Variants in PLEKHA7 observed in about 807,000 individuals in gnomAD.
The protein encoded by PLEKHA7 is pleckstrin homology domain-containing family A member 7.
PLEKHA7 carries 104 observed loss-of-function variants against 170.0 expected under a neutral mutation model. That is an observed-to-expected ratio of 0.61 (90% CI 0.52 to 0.72). The LOEUF (loss-of-function observed/expected upper bound fraction) is 0.72, where lower values mean the gene tolerates loss of function less well. Ranked by LOEUF, PLEKHA7 falls within the 30% of genes least tolerant of loss-of-function variation. PLEKHA7 has a pLI of 0.00. For missense variants in PLEKHA7, 1,615 were observed against 1,671.7 expected (o/e 0.97, Z 0.59); for synonymous variants, 648 against 660.8 (o/e 0.98, Z 0.30).
chr11:16,956,403 A>ACAC (rs1861705868), intron 3 of PLEKHA7, among the ~76,000 whole-genome samples: 1 of 152,168 alleles, frequency 6.6e-6, no homozygotes, highest in South Asian at 2.1e-4. Flanking sequence ...GGACAAGTTA[A>ACAC]CACCCACTTA....
At chr11:16,887,810 C>T (rs568970347) in intron 3 of PLEKHA7, among the ~76,000 whole-genome samples, 2 of 152,188 alleles carry the variant, frequency 1.3e-5, no homozygotes, top group Non-Finnish European at 2.9e-5. Flanking sequence ...TCTGCCCAGC[C>T]GCCACCCCGT....
chr11:16,934,694 C>G (rs1860166955), intron 3 of PLEKHA7, among the ~76,000 whole-genome samples: 1 of 152,114 alleles, frequency 6.6e-6, no homozygotes, highest in Admixed American at 6.6e-5. Flanking sequence ...CCATAAGTTA[C>G]CTCAAATCCA....
chr11:16,799,398 G>A (rs1848441053), intron 17 of PLEKHA7, among the ~76,000 whole-genome samples: 1 of 152,208 alleles, frequency 6.6e-6, no homozygotes, highest in Admixed American at 6.5e-5. Context: ...CACATAGGGA[G>A]GGTGATGGGA....
In PLEKHA7 at chr11:16,927,257, T is replaced by C. The variant is rs112723937; in HGVS notation, c.222-56075A>G. 7.9e-3 allele frequency among the ~76,000 whole-genome samples: 1,209 copies of C among 152,364 alleles called. 15 individuals carry two copies. The highest frequency in any genetic ancestry group is 0.026 in the African/African-American group (1,097 of 41,582). On this transcript the variant is annotated intron_variant, in intron 3 of 26. Coordinates refer to ENST00000531066, the MANE Select transcript of PLEKHA7 (RefSeq NM_001329630.2). Reference sequence around the variant, plus strand: ...TATTTTTTTAAACCATACTTCCTTTTGGATAAATATACAAATGCCATTCCC... The same window carrying C: ...TATTTTTTTAAACCATACTTCCTTTCGGATAAATATACAAATGCCATTCCC...
intron 3 of PLEKHA7, among the ~76,000 whole-genome samples, chr11:16,988,089 C>T (rs1432467665): frequency 1.3e-5 from 2 of 152,256 alleles, no homozygotes; most frequent in Non-Finnish European, 2.9e-5. Context: ...ACCTCACCTA[C>T]AGGGGAAGGA....
Position 16,938,985 on chromosome 11 carries a change from C to T in PLEKHA7, c.222-67803G>A, listed in dbSNP as rs373462598. On this transcript the variant is annotated intron_variant, in intron 3 of 26. Coordinates refer to ENST00000531066, the MANE Select transcript of PLEKHA7 (RefSeq NM_001329630.2). ...ACACAATTTTTTACAATAATAAACA[C>T]AATTTTGAATTTTAGAAGATTCAAA... is the stretch of plus-strand genomic sequence containing the variant. 1.5e-4 allele frequency among the ~76,000 whole-genome samples: 23 copies of T among 152,234 alleles called. No individual in the cohort carries two copies. In the East Asian group the frequency reaches 3.1e-3, roughly 20 times the overall value.
chr11:17,010,798 C>G, intron 3 of PLEKHA7, among the ~76,000 whole-genome samples: 1 of 151,964 alleles, frequency 6.6e-6, no homozygotes, highest in Non-Finnish European at 1.5e-5. Context: ...ACACAAAAAT[C>G]AAACATTCAG....
rs1847714926 is a variant in PLEKHA7, at chr11:16,789,871, T to C, written c.3060A>G (p.Ser1020=). The part of the protein sequence containing the change: ...RYQTLPGRGL[S]GSTSRLQQSS... ...ACTGCTGGAGCCTTGACGTGGACCCTGAGAGCCCTTAGTGAGGAAAGAGAA... is the reference window on the plus strand; with the variant it reads ...ACTGCTGGAGCCTTGACGTGGACCCCGAGAGCCCTTAGTGAGGAAAGAGAA... Residue 1020 remains serine, a synonymous_variant, in exon 22 of 27, where the codon TCA becomes TCG. Transcript: ENST00000531066. The surrounding 1 kb of genome is among the most constrained non-coding windows in gnomAD (Gnocchi z 4.6). 1 of 1,613,964 alleles carries C rather than the reference T, an allele frequency of 6.2e-7. No individual in the cohort carries two copies. The highest frequency in any genetic ancestry group is 8.5e-7 in the Non-Finnish European group (1 of 1,179,836).
intron 3 of PLEKHA7, among the ~76,000 whole-genome samples, chr11:16,971,514 G>A (rs1270937893): frequency 6.6e-6 from 1 of 152,146 alleles, no homozygotes; most frequent in African/African-American, 2.4e-5. Context: ...TCCAAGTGCT[G>A]AACTGTATAG....
At chr11:16,858,865 C>T (rs918562027) in intron 4 of PLEKHA7, among the ~76,000 whole-genome samples, 1 of 152,086 alleles carries the variant, frequency 6.6e-6, no homozygotes, top group Admixed American at 6.6e-5. Context: ...AACTTGACAC[C>T]CCCCAAACCC....
In PLEKHA7 at chr11:16,906,273, A is replaced by AGGAAGGAAGGAAGGAG. The variant is rs1443469524; in HGVS notation, c.222-35092_222-35091insCTCCTTCCTTCCTTCC. Among the ~76,000 whole-genome samples the AGGAAGGAAGGAAGGAG allele has an allele frequency of 1.5e-3, 170 of 116,142 alleles. 1 individual carries two copies. The highest frequency in any genetic ancestry group is 4.9e-3 in the African/African-American group (145 of 29,704). The allele number at this position is 116,142 out of a possible 152,430, so 76.2% of individuals were successfully genotyped here. A position where few individuals can be genotyped will look rare whatever the true frequency, so the allele number is the denominator to read the frequency against. ...AAGGAAGGAAGGAAGGAAGGAAGGA[A>AGGAAGGAAGGAAGGAG]GGAAGGAAAGAAAGAAAATTGGAAA... On this transcript the variant is annotated intron_variant, in intron 3 of 26. Coordinates refer to ENST00000531066, the MANE Select transcript of PLEKHA7 (RefSeq NM_001329630.2).
chr11:16,847,340 C>T (rs181243812), intron 8 of PLEKHA7, among the ~76,000 whole-genome samples: 1 of 152,050 alleles, frequency 6.6e-6, no homozygotes, highest in Admixed American at 6.6e-5. Flanking sequence ...GATCCGCCCC[C>T]CTCTGCCTCC....
At position 16,789,219 on chromosome 11, in the gene PLEKHA7, C is replaced by T. The variant is rs1230033864; in HGVS notation, c.3234G>A (p.Glu1078=). The change falls in exon 23 of 27, where the codon GAG becomes GAA. Residue 1078 remains glutamate, a synonymous_variant. Transcript: ENST00000531066. The surrounding 1 kb of genome is among the most constrained non-coding windows in gnomAD (Gnocchi z 4.6). The part of the protein sequence containing the change: ...RGKMSAEEQL[E]RMKRHQKALV... ...GGGCCTTCTGGTGTCGCTTCATGCG[C>T]TCCAGCTGCTCCTCTGCACTCATCT... 2 of 1,613,736 alleles carry T rather than the reference C, an allele frequency of 1.2e-6. No individual in the cohort carries two copies. Among genetic ancestry groups the T allele is most frequent in the Non-Finnish European group, 1.7e-6 (2 of 1,180,050 alleles).
intron 3 of PLEKHA7, among the ~76,000 whole-genome samples, chr11:16,904,205 C>T (rs1323081557): frequency 6.6e-6 from 1 of 152,194 alleles, no homozygotes; most frequent in African/African-American, 2.4e-5. Context: ...TTCCTTCACA[C>T]ATGTCACCTC....
chr11:16,790,968 T>C, intron 20 of PLEKHA7, 43 bp downstream of exon 20: 1 of 1,613,716 alleles, frequency 6.2e-7, no homozygotes, highest in South Asian at 1.1e-5. Flanking sequence ...CCCCTTTACC[T>C]CTCCCCACAT....
At chr11:16,983,570 C>T (rs1001926992) in intron 3 of PLEKHA7, among the ~76,000 whole-genome samples, 2 of 152,128 alleles carry the variant, frequency 1.3e-5, no homozygotes, top group African/African-American at 2.4e-5. Context: ...TGGCATTTCT[C>T]GTTTACTGGC....
intron 26 of PLEKHA7, among the ~76,000 whole-genome samples, chr11:16,781,407 AG>A (rs1476024480): frequency 6.6e-6 from 1 of 152,180 alleles, no homozygotes; most frequent in African/African-American, 2.4e-5. Context: ...AGACCCCCTC[AG>A]GGTTAGAGCA....
At chr11:16,863,237 T>C (rs1854117165) in intron 4 of PLEKHA7, among the ~76,000 whole-genome samples, 2 of 152,126 alleles carry the variant, frequency 1.3e-5, no homozygotes, top group African/African-American at 4.8e-5. Context: ...TGGAAGATAA[T>C]TCTTACCTTT....
chr11:16,859,401 G>A (rs952689944), intron 4 of PLEKHA7, among the ~76,000 whole-genome samples: 1 of 152,164 alleles, frequency 6.6e-6, no homozygotes, highest in African/African-American at 2.4e-5. Context: ...CGTGCTTGGG[G>A]ATGCCATTTG....
Sources: allele counts gnomAD v4.1 joint callset (sites outside exome capture counted in the v4.1 genomes callset), GRCh38; gene constraint gnomAD v4.1.1; non-coding constraint Gnocchi (gnomAD v3.1); transcripts MANE v1.5; gene names NCBI Gene and HGNC (gene_info 2026-07-23, HGNC 2026-07-21).